The following FLNB variants were observed in gnomAD, a reference collection of about 807,000 sequenced individuals.
FLNB encodes the protein filamin-B.
FLNB carries 111 observed loss-of-function variants against 250.6 expected under a neutral mutation model. That is an observed-to-expected ratio of 0.44 (90% CI 0.38 to 0.52). FLNB has a LOEUF of 0.52. Among genes scored for constraint, FLNB ranks in the 20% least tolerant of loss-of-function variants. FLNB has a pLI of 0.00. For missense variants in FLNB, 2,869 were observed against 3,447.8 expected (o/e 0.83, Z 4.20); for synonymous variants, 1,302 against 1,372.1 (o/e 0.95, Z 1.13).
intron 24 of FLNB, among the ~76,000 whole-genome samples, chr3:58,129,497 GT>G (rs2097303012): frequency 1.3e-5 from 2 of 152,176 alleles, no homozygotes; most frequent in African/African-American, 4.8e-5. Flanking sequence ...ATCCTCAACT[GT>G]CACTCTCTAA....
At chr3:58,121,144 A>G (rs1002697228) in intron 19 of FLNB, 97 bp from the exon 20 acceptor site, 1 of 1,508,198 alleles carries the variant, frequency 6.6e-7, no homozygotes, top group Non-Finnish European at 9.2e-7. Context: ...GGCTGAGATA[A>G]GTCCCCGTGT....
Position 58,124,360 on chromosome 3 carries a change from T to C in FLNB, c.3753T>C (p.Phe1251=), listed in dbSNP as rs751650356. The C allele has an allele frequency of 9.2e-5, 148 of 1,614,208 alleles. No homozygotes were observed. The highest frequency in any genetic ancestry group is 3.3e-4 in the Middle Eastern group (2 of 6,062). Residue 1251 remains phenylalanine (F), a synonymous_variant, in exon 22 of 46, where the codon TTT becomes TTC. Coordinates refer to ENST00000295956, the MANE Select transcript of FLNB (RefSeq NM_001457.4). ...KDVFREATTD[F]TVDSRPLTQV... Reference sequence around the variant, plus strand: ...TGTTCCGGGAAGCTACCACCGACTTTACAGTTGACTCTCGGCCGCTGACCC... The same window carrying C: ...TGTTCCGGGAAGCTACCACCGACTTCACAGTTGACTCTCGGCCGCTGACCC...
intron 4 of FLNB, among the ~76,000 whole-genome samples, chr3:58,090,221 C>T (rs2097224437): frequency 6.6e-6 from 1 of 151,808 alleles, no homozygotes; most frequent in Admixed American, 6.6e-5. Flanking sequence ...CACTATCTTC[C>T]ACCTCCAAAT....
intron 6 of FLNB, among the ~76,000 whole-genome samples, chr3:58,097,529 G>C (rs942704747): frequency 6.6e-6 from 1 of 152,190 alleles, no homozygotes; most frequent in Non-Finnish European, 1.5e-5. Context: ...AATGTCCAGA[G>C]ATTGAAATGT....
intron 1 of FLNB, among the ~76,000 whole-genome samples, chr3:58,075,976 G>C (rs2097201139): frequency 1.3e-5 from 2 of 152,118 alleles, no homozygotes; most frequent in Non-Finnish European, 2.9e-5. Context: ...TGAGACTCCT[G>C]GAAGGTGCTG....
intron 4 of FLNB, among the ~76,000 whole-genome samples, chr3:58,092,141 C>T (rs752777807): frequency 6.6e-6 from 1 of 152,108 alleles, no homozygotes; most frequent in Admixed American, 6.6e-5. Context: ...AAAAACACAT[C>T]GAAATTTGTT....
intron 17 of FLNB, 79 bp downstream of exon 17, chr3:58,111,960 G>A: frequency 7.8e-7 from 1 of 1,288,646 alleles, no homozygotes; most frequent in South Asian, 1.2e-5. Flanking sequence ...CGGCCTTGAG[G>A]AACTTCATCT....
intron 35 of FLNB, 87 bp from the exon 36 acceptor site, chr3:58,148,562 G>T: frequency 7.6e-7 from 1 of 1,314,878 alleles, no homozygotes; most frequent in East Asian, 2.3e-5. Context: ...TCAGGAAAGA[G>T]GACATATTTC....
At chr3:58,022,813 A>G (rs1323786813) in intron 1 of FLNB, among the ~76,000 whole-genome samples, 2 of 151,902 alleles carry the variant, frequency 1.3e-5, no homozygotes, top group African/African-American at 4.8e-5. Context: ...AAGTCTTTGA[A>G]ATTTGCTTCT....
At chr3:58,133,289 G>A (rs2097310703) in intron 26 of FLNB, among the ~76,000 whole-genome samples, 1 of 152,066 alleles carries the variant, frequency 6.6e-6, no homozygotes, top group South Asian at 2.1e-4. Context: ...TTAAAGGTGA[G>A]CTGAAATTAA....
chr3:58,167,846 G>C (rs1489858887), intron 43 of FLNB, among the ~76,000 whole-genome samples: 1 of 152,240 alleles, frequency 6.6e-6, no homozygotes. Context: ...GAGCCGGAGT[G>C]GGGTACGCAT....
Position 58,170,713 on chromosome 3 carries a change from G to T in FLNB, c.7760G>T (p.Trp2587Leu), listed in dbSNP as rs144321868. Reference protein sequence around the residue: ...ERGDYVLAVKWGEEHIPGSPF... With the variant: ...ERGDYVLAVKLGEEHIPGSPF... ...GGCGATTATGTGCTGGCTGTGAAGT[G>T]GGGGGAGGAACACATCCCTGGCAGC... Residue 2587 changes from tryptophan (W) to leucine (L), a missense_variant, in exon 46 of 46, where the codon TGG becomes TTG. Trp to Leu is a moderately conservative substitution (Grantham distance 61). This residue lies in a region of FLNB where 1,084 missense variants were observed against 1,315.5 expected (regional missense o/e 0.82). Coordinates refer to ENST00000295956, the MANE Select transcript of FLNB (RefSeq NM_001457.4). 315 of 1,613,954 alleles carry T rather than the reference G, an allele frequency of 2.0e-4. 1 individual carries two copies. Among genetic ancestry groups the T allele is most frequent in the Non-Finnish European group, 2.5e-4 (299 of 1,179,948 alleles).
At chr3:58,080,594 A>G (rs565317980) in intron 3 of FLNB, among the ~76,000 whole-genome samples, 25 of 150,882 alleles carry the variant, frequency 1.7e-4, no homozygotes, top group Non-Finnish European at 3.1e-4. Flanking sequence ...TCCTAGGTAC[A>G]AGCGATTCTC....
chr3:58,134,520 C>A, intron 26 of FLNB, 96 bp from the exon 27 acceptor site: 1 of 1,448,164 alleles, frequency 6.9e-7, no homozygotes, highest in East Asian at 2.3e-5. Flanking sequence ...TAGAAATCCC[C>A]TTTTCCATCC....
Position 58,148,287 on chromosome 3 carries a change from G to C in FLNB, c.5810G>C (p.Ser1937Thr). Residue 1937 changes from serine to threonine, a missense_variant, in exon 35 of 46, where the codon AGC (serine) becomes ACC (threonine). This residue lies in a region of FLNB where 1,084 missense variants were observed against 1,315.5 expected (regional missense o/e 0.82). Coordinates refer to ENST00000295956, the MANE Select transcript of FLNB (RefSeq NM_001457.4). ...GACATCAGTGAGACTGACCTCAGCA[G>C]CCTGACGGCCAGCATTAAGGCCCCA... Reference protein sequence around the residue: ...LLDISETDLSSLTASIKAPSG... With the variant: ...LLDISETDLSTLTASIKAPSG... 1 of 1,614,168 alleles carries C rather than the reference G, an allele frequency of 6.2e-7. No homozygotes were observed. Among genetic ancestry groups the C allele is most frequent in the South Asian group, 1.1e-5 (1 of 91,080 alleles).
At chr3:58,129,651 G>A (rs1015104725) in intron 24 of FLNB, among the ~76,000 whole-genome samples, 3 of 152,212 alleles carry the variant, frequency 2.0e-5, no homozygotes, top group African/African-American at 7.2e-5. Context: ...TCAATTCTTT[G>A]TGTGTCTTGG....
At chr3:58,044,861 C>G (rs1315433863) in intron 1 of FLNB, among the ~76,000 whole-genome samples, 1 of 152,194 alleles carries the variant, frequency 6.6e-6, no homozygotes, top group Non-Finnish European at 1.5e-5. Context: ...TTTCCTCCTT[C>G]TAGGCCCAAG....
rs1249474097 is a variant in FLNB at position 58,142,704 on chromosome 3, C to T, written c.5236C>T (p.Pro1746Ser). Residue 1746 changes from proline (P) to serine (S), a missense_variant, in exon 31 of 46, where the codon CCT (proline) becomes TCT (serine). Physicochemically the swap from Pro to Ser is moderately conservative, Grantham distance 74. Coordinates refer to ENST00000295956, the MANE Select transcript of FLNB (RefSeq NM_001457.4). The surrounding 1 kb of genome is among the most constrained non-coding windows in gnomAD (Gnocchi z 4.3). ...VSDMNGLGFKPFDLVIPFAVR... is the reference protein window; with the variant it reads ...VSDMNGLGFKSFDLVIPFAVR... ...TGACATGAACGGCCTGGGATTTAAG[C>T]CTTTTGACCTGGTCATTCCGTTTGC... The T allele has an allele frequency of 1.2e-6, 2 of 1,614,088 alleles. No homozygotes were observed. Among genetic ancestry groups the T allele is most frequent in the African/African-American group, 1.3e-5 (1 of 74,926 alleles).
chr3:58,142,669 T>C lies in FLNB; in HGVS notation c.5201T>C (p.Val1734Ala). ...TTTTAGGTGACCGAAGAGGCCTATG[T>C]CCCAGTGAGTGACATGAACGGCCTG... is the stretch of plus-strand genomic sequence containing the variant. ...FRPWVTEEAY[V>A]PVSDMNGLGF... The change falls in exon 31 of 46, where the codon GTC becomes GCC. Residue 1734 changes from valine (V) to alanine (A), a missense_variant. Around this residue, in one of 5 missense-constraint regions of FLNB, gnomAD observed 1,084 missense variants for 1,315.5 expected, o/e 0.82. Coordinates refer to ENST00000295956, the MANE Select transcript of FLNB (RefSeq NM_001457.4). The surrounding 1 kb of genome is among the most constrained non-coding windows in gnomAD (Gnocchi z 4.3). 6.2e-7 allele frequency: 1 copy of C among 1,614,206 alleles called. No homozygotes were observed.
Sources: gnomAD v4.1 joint callset for allele counts (sites outside exome capture counted in the v4.1 genomes callset) on GRCh38, gnomAD v4.1.1 for gene constraint, gnomAD v4.1.1 regional missense constraint, Gnocchi (gnomAD v3.1) non-coding constraint, MANE v1.5 for transcripts, NCBI Gene and HGNC (gene_info 2026-07-23, HGNC 2026-07-21) for gene names.